The following POFUT3 variants were observed in gnomAD, a reference collection of about 807,000 sequenced individuals.
The protein encoded by POFUT3 is protein O-fucosyltransferase 3.
chr8:33,362,311 A>G, the POFUT3 span, among the ~76,000 whole-genome samples: 2 of 152,250 alleles, frequency 1.3e-5, no homozygotes, highest in Admixed American at 6.5e-5. Context: ...CCACGGGAAA[A>G]AAAAGGCCAA....
At chr8:33,433,757 C>G in the POFUT3 span, among the ~76,000 whole-genome samples, 2 of 151,096 alleles carry the variant, frequency 1.3e-5, no homozygotes, top group Non-Finnish European at 2.9e-5. Flanking sequence ...GCACTCCAGC[C>G]TGGGTGACAG....
At chr8:33,438,017 A>T in the POFUT3 span, among the ~76,000 whole-genome samples, 1 of 152,196 alleles carries the variant, frequency 6.6e-6, no homozygotes, top group Non-Finnish European at 1.5e-5. Flanking sequence ...GTAGATGTCA[A>T]TTACCTTAAG....
chr8:33,469,380 A>G, the POFUT3 span, among the ~76,000 whole-genome samples: 1 of 152,178 alleles, frequency 6.6e-6, no homozygotes, highest in African/African-American at 2.4e-5. Flanking sequence ...AGTGAACTTC[A>G]TATTTTGCTG....
At chr8:33,443,635 G>A in the POFUT3 span, among the ~76,000 whole-genome samples, 1 of 152,130 alleles carries the variant, frequency 6.6e-6, no homozygotes. Context: ...TGGGACTACA[G>A]ATGCCTGCCA....
At chr8:33,403,489 G>C in the POFUT3 span, among the ~76,000 whole-genome samples, 5 of 152,168 alleles carry the variant, frequency 3.3e-5, no homozygotes, top group African/African-American at 4.8e-5. Flanking sequence ...GCCGAGGCAG[G>C]AGAATCATTT....
the POFUT3 span, among the ~76,000 whole-genome samples, chr8:33,334,000 T>C: frequency 6.6e-6 from 1 of 152,004 alleles, no homozygotes; most frequent in Non-Finnish European, 1.5e-5. Context: ...AAGAAAAAAA[T>C]AGACAATCCA....
the POFUT3 span, among the ~76,000 whole-genome samples, chr8:33,431,607 T>G: frequency 7.1e-6 from 1 of 141,826 alleles, no homozygotes; most frequent in South Asian, 2.4e-4. Context: ...ATTGCATAAT[T>G]CCTTTGAAGG....
chr8:33,414,313 C>CT, the POFUT3 span, among the ~76,000 whole-genome samples: 2,241 of 152,222 alleles, frequency 0.015, 56 homozygotes, highest in African/African-American at 0.05. Context: ...TTTCCACCAC[C>CT]TCCCCCAGAG....
the POFUT3 span, among the ~76,000 whole-genome samples, chr8:33,424,435 G>C: frequency 6.6e-6 from 1 of 152,138 alleles, no homozygotes; most frequent in Admixed American, 6.5e-5. Context: ...CTGCCATGCA[G>C]AAGCTTCCAA....
chr8:33,325,340 G>T, the POFUT3 span, among the ~76,000 whole-genome samples: 3 of 151,990 alleles, frequency 2.0e-5, no homozygotes, highest in African/African-American at 4.8e-5. Flanking sequence ...GAATTCATTT[G>T]GTATGCCTTC....
the POFUT3 span, among the ~76,000 whole-genome samples, chr8:33,394,596 G>T: frequency 1.3e-5 from 2 of 151,470 alleles, no homozygotes; most frequent in African/African-American, 2.4e-5. Flanking sequence ...TTCGTGGAAT[G>T]ATTTCAAATA....
the POFUT3 span, chr8:33,461,459 C>T: frequency 1.9e-6 from 3 of 1,613,642 alleles, 1 homozygote; most frequent in Non-Finnish European, 8.5e-7. Context: ...CCATGCTGCC[C>T]TGCCCTGGGT....
the POFUT3 span, among the ~76,000 whole-genome samples, chr8:33,369,198 G>C: frequency 1.5e-4 from 23 of 152,306 alleles, no homozygotes; most frequent in East Asian, 4.2e-3. Flanking sequence ...CTCACAAGGA[G>C]GTTGGATATT....
chr8:33,439,352 G>A, the POFUT3 span, among the ~76,000 whole-genome samples: 1,714 of 151,496 alleles, frequency 0.011, 43 homozygotes, highest in African/African-American at 0.039. Context: ...GCAGTGAGCC[G>A]AGATCATGCC....
the POFUT3 span, among the ~76,000 whole-genome samples, chr8:33,448,241 G>A: frequency 1.3e-5 from 2 of 151,938 alleles, no homozygotes; most frequent in South Asian, 2.1e-4. Context: ...AGCTACTCAG[G>A]AAGCTGAGGC....
At chr8:33,367,726 T>C in the POFUT3 span, among the ~76,000 whole-genome samples, 1 of 152,192 alleles carries the variant, frequency 6.6e-6, no homozygotes, top group South Asian at 2.1e-4. Context: ...GGCTTTTTTT[T>C]TTCCCCATGA....
the POFUT3 span, among the ~76,000 whole-genome samples, chr8:33,428,956 A>T: frequency 9.2e-5 from 14 of 152,194 alleles, no homozygotes; most frequent in Non-Finnish European, 2.1e-4. Flanking sequence ...AGACAATATC[A>T]TAATCCTATT....
At chr8:33,368,306 C>T in the POFUT3 span, among the ~76,000 whole-genome samples, 7 of 152,274 alleles carry the variant, frequency 4.6e-5, no homozygotes, top group East Asian at 1.4e-3. Context: ...CCTAAAGAGT[C>T]ACTTCTCCTC....
the POFUT3 span, among the ~76,000 whole-genome samples, chr8:33,440,743 C>T: frequency 2.6e-5 from 4 of 152,300 alleles, no homozygotes; most frequent in East Asian, 3.9e-4. Context: ...TTTTAAAACA[C>T]TTGACTTTTG....
Sources: gnomAD v4.1 joint callset for allele counts (sites outside exome capture counted in the v4.1 genomes callset) on GRCh38, gnomAD v4.1.1 for gene constraint, MANE v1.5 for transcripts, NCBI Gene and HGNC (gene_info 2026-07-23, HGNC 2026-07-21) for gene names.